The following RBFOX1 variants were observed in gnomAD, a reference collection of about 807,000 sequenced individuals.
The protein encoded by RBFOX1 is RNA binding protein fox-1 homolog 1.
RBFOX1 carries 8 observed loss-of-function variants against 57.7 expected under a neutral mutation model. The ratio of observed to expected loss-of-function variants is 0.14; its 90% confidence interval spans 0.08 to 0.25. RBFOX1 has a LOEUF of 0.25. RBFOX1 is among the 10% of genes least tolerant of loss of function. The pLI, the probability that RBFOX1 is intolerant of heterozygous loss-of-function variation, is 1.00. For missense variants in RBFOX1, 611 were observed against 548.5 expected (o/e 1.11, Z -1.14); for synonymous variants, 326 against 222.4 (o/e 1.47, Z -4.15).
chr16:5,605,040 C>T (rs1307607939), downstream of RBFOX1, among the ~76,000 whole-genome samples: 2 of 152,236 alleles, frequency 1.3e-5, no homozygotes, highest in African/African-American at 4.8e-5. Flanking sequence ...CACCCACTCA[C>T]CCGGCCTTCA....
At chr16:6,815,057 TC>T (rs980552497) in intron 3 of RBFOX1, among the ~76,000 whole-genome samples, 3 of 152,152 alleles carry the variant, frequency 2.0e-5, no homozygotes, top group Admixed American at 6.5e-5. Flanking sequence ...TCATAGTTTT[TC>T]CCGGAAAGCG....
At chr16:5,343,692 G>A (rs11863288) in intron 1 of RBFOX1, among the ~76,000 whole-genome samples, 20,257 of 152,146 alleles carry the variant, frequency 0.13, 3,512 homozygotes, top group African/African-American at 0.41. Flanking sequence ...ATGGGTGCCA[G>A]TTCTTCAAAT....
chr16:7,172,329 A>C (rs2080860247), intron 4 of RBFOX1, among the ~76,000 whole-genome samples: 1 of 152,190 alleles, frequency 6.6e-6, no homozygotes, highest in Non-Finnish European at 1.5e-5. Flanking sequence ...TTTACTCCTC[A>C]GTACCCTACA....
intron 3 of RBFOX1, among the ~76,000 whole-genome samples, chr16:5,778,329 C>G (rs1378019942): frequency 6.6e-6 from 1 of 152,136 alleles, no homozygotes; most frequent in Non-Finnish European, 1.5e-5. Flanking sequence ...TCTGATTTCC[C>G]TACCATCTTG....
intron 2 of RBFOX1, among the ~76,000 whole-genome samples, chr16:6,441,169 G>A (rs76029764): frequency 0.012 from 1,756 of 152,200 alleles, 37 homozygotes; most frequent in African/African-American, 0.041. Flanking sequence ...GTGAGTGGAT[G>A]GCAGCTGTAT....
chr16:6,432,742 G>A (rs951809808), intron 2 of RBFOX1, among the ~76,000 whole-genome samples: 10 of 152,102 alleles, frequency 6.6e-5, no homozygotes, highest in African/African-American at 2.4e-4. Context: ...CACTTTAGAA[G>A]GCAAAGGTGG....
chr16:5,395,180 C>A (rs549659406), intron 1 of RBFOX1, among the ~76,000 whole-genome samples: 21 of 152,220 alleles, frequency 1.4e-4, no homozygotes, highest in Admixed American at 2.6e-4. Flanking sequence ...ACTGCACTTT[C>A]ACATCTGTCA....
At chr16:6,501,285 C>G in intron 2 of RBFOX1, among the ~76,000 whole-genome samples, 1 of 102,404 alleles carries the variant, frequency 9.8e-6, no homozygotes, top group African/African-American at 3.8e-5. Context: ...TGCTATCCCT[C>G]CCCCCTCCCC....
intron 1 of RBFOX1, among the ~76,000 whole-genome samples, chr16:5,417,069 C>G (rs1175806592): frequency 6.6e-6 from 1 of 152,170 alleles, no homozygotes; most frequent in East Asian, 1.9e-4. Flanking sequence ...CCAGTGAATC[C>G]TACCGAAGTC....
At chr16:5,835,291 C>T (rs146401815) in intron 3 of RBFOX1, among the ~76,000 whole-genome samples, 4 of 152,206 alleles carry the variant, frequency 2.6e-5, no homozygotes, top group East Asian at 1.9e-4. Flanking sequence ...GCCATGCGTC[C>T]CACCACATGG....
chr16:5,255,358 A>ATCCC (rs1567240579), intron 1 of RBFOX1, among the ~76,000 whole-genome samples: 1 of 106,318 alleles, frequency 9.4e-6, no homozygotes, highest in Admixed American at 8.9e-5. Flanking sequence ...CCATCCCTCC[A>ATCCC]TCCATCCATC....
In RBFOX1 at chr16:7,050,916, A is replaced by T. The variant is rs141564859; in HGVS notation, c.-15-1141A>T. ...TCTGGGTAAAAGGGCATAGAAAAGCACTGATTTATAGATTTGGGGCTCTGG... is the reference window on the plus strand; with the variant it reads ...TCTGGGTAAAAGGGCATAGAAAAGCTCTGATTTATAGATTTGGGGCTCTGG... On this transcript the variant is annotated intron_variant, in intron 3 of 15. Coordinates refer to ENST00000550418, the MANE Select transcript of RBFOX1 (RefSeq NM_018723.4). Among the ~76,000 whole-genome samples the T allele has an allele frequency of 6.9e-3, 1,050 of 152,248 alleles. 9 individuals carry two copies. The highest frequency in any genetic ancestry group is 0.01 in the Non-Finnish European group (688 of 68,006).
intron 2 of RBFOX1, among the ~76,000 whole-genome samples, chr16:6,457,281 C>T (rs1234649187): frequency 6.6e-6 from 1 of 152,112 alleles, no homozygotes; most frequent in African/African-American, 2.4e-5. Flanking sequence ...CTACGTATTA[C>T]AGAGCCTGTG....
chr16:6,346,170 T>C (rs1310439536), intron 2 of RBFOX1, among the ~76,000 whole-genome samples: 1 of 152,150 alleles, frequency 6.6e-6, no homozygotes, highest in Non-Finnish European at 1.5e-5. Context: ...GGGCCCAAGG[T>C]ATTTTCCTTT....
intron 11 of RBFOX1, among the ~76,000 whole-genome samples, chr16:7,642,224 G>C (rs991779293): frequency 1.3e-5 from 2 of 152,180 alleles, no homozygotes; most frequent in African/African-American, 4.8e-5. Context: ...GTGTTTTGGA[G>C]GCTCTGGCTC....
At chr16:6,885,441 A>C (rs897775285) in intron 3 of RBFOX1, among the ~76,000 whole-genome samples, 23 of 152,304 alleles carry the variant, frequency 1.5e-4, no homozygotes, top group African/African-American at 4.6e-4. Context: ...GTTCTATAGT[A>C]CCTTTCAGTA....
chr16:7,426,233 A>C (rs565452652), intron 4 of RBFOX1, among the ~76,000 whole-genome samples: 1 of 152,234 alleles, frequency 6.6e-6, no homozygotes, highest in East Asian at 1.9e-4. Flanking sequence ...TTGCTCTACA[A>C]ATTGAGTCTT....
intron 1 of RBFOX1, among the ~76,000 whole-genome samples, chr16:6,205,900 C>T (rs1476920040): frequency 8.8e-6 from 1 of 113,888 alleles, no homozygotes; most frequent in African/African-American, 3.4e-5. Flanking sequence ...GGAGAGCGTA[C>T]CTGGAAAACA....
intron 4 of RBFOX1, among the ~76,000 whole-genome samples, chr16:7,146,822 T>G: frequency 6.7e-6 from 1 of 149,892 alleles, no homozygotes; most frequent in Non-Finnish European, 1.5e-5. Flanking sequence ...ATGTGGCACA[T>G]GCCTGTAGTC....
Sources: allele counts gnomAD v4.1 joint callset (sites outside exome capture counted in the v4.1 genomes callset), GRCh38; gene constraint gnomAD v4.1.1; transcripts MANE v1.5; gene names NCBI Gene and HGNC (gene_info 2026-07-23, HGNC 2026-07-21).